LARGE1: variants seen among roughly 807,000 people sequenced by gnomAD.
The protein encoded by LARGE1 is LARGE xylosyl- and glucuronyltransferase 1.
LARGE1 carries 43 observed loss-of-function variants against 87.6 expected under a neutral mutation model. The observed-to-expected ratio is 0.49, with a 90% confidence interval of 0.38 to 0.63. The LOEUF (loss-of-function observed/expected upper bound fraction) is 0.63. Ranked by LOEUF, LARGE1 falls within the 30% of genes least tolerant of loss-of-function variation. The pLI is 0.00. For missense variants in LARGE1, 802 were observed against 1,000.2 expected (o/e 0.80, Z 2.67); for synonymous variants, 434 against 394.6 (o/e 1.10, Z -1.18).
At chr22:33,522,440 C>A (rs184924498) in intron 6 of LARGE1, among the ~76,000 whole-genome samples, 3 of 152,282 alleles carry the variant, frequency 2.0e-5, no homozygotes, top group Admixed American at 2.0e-4. Context: ...TGCCTGTAAT[C>A]CCAGCACTGT....
intron 1 of LARGE1, among the ~76,000 whole-genome samples, chr22:33,769,828 C>G (rs991845782): frequency 6.6e-6 from 1 of 152,224 alleles, no homozygotes; most frequent in Non-Finnish European, 1.5e-5. Flanking sequence ...TGGCTTCCAG[C>G]TGTCTCTCCT....
intron 11 of LARGE1, among the ~76,000 whole-genome samples, chr22:33,233,902 C>A (rs943299814): frequency 6.6e-6 from 1 of 152,162 alleles, no homozygotes; most frequent in East Asian, 1.9e-4. Flanking sequence ...TTCAGATTGG[C>A]GTGCCTGTGT....
At chr22:33,248,259 C>T (rs961634250) in intron 11 of LARGE1, among the ~76,000 whole-genome samples, 19 of 152,154 alleles carry the variant, frequency 1.2e-4, no homozygotes, top group African/African-American at 4.3e-4. Flanking sequence ...GTGTTCTCGG[C>T]TCACTGCAAC....
chr22:33,290,406 T>G (rs908645242), intron 12 of LARGE1, among the ~76,000 whole-genome samples: 1 of 152,200 alleles, frequency 6.6e-6, no homozygotes, highest in African/African-American at 2.4e-5. Flanking sequence ...AATTAATCTC[T>G]TGGTTCTGCA....
At chr22:33,729,868 C>T (rs886967795) in intron 2 of LARGE1, among the ~76,000 whole-genome samples, 1 of 152,206 alleles carries the variant, frequency 6.6e-6, no homozygotes, top group Admixed American at 6.5e-5. Context: ...TACCCGTTCT[C>T]CCCTCATCAA....
chr22:33,252,255 C>CA (rs1359136112), intron 11 of LARGE1, among the ~76,000 whole-genome samples: 3 of 132,188 alleles, frequency 2.3e-5, no homozygotes, highest in Admixed American at 2.2e-4. Context: ...CTTCATTCCC[C>CA]CCCCCCCCGC....
intron 6 of LARGE1, among the ~76,000 whole-genome samples, chr22:33,542,162 CA>C (rs150998193): frequency 0.17 from 16,031 of 92,536 alleles, 1,486 homozygotes; most frequent in African/African-American, 0.41. Flanking sequence ...AACTCTGTCT[CA>C]AAAAAAAAAA....
chr22:33,799,945 T>C (rs529599485), intron 1 of LARGE1, among the ~76,000 whole-genome samples: 1 of 152,332 alleles, frequency 6.6e-6, no homozygotes, highest in African/African-American at 2.4e-5. Flanking sequence ...CATGTGCATG[T>C]GGTGGGCTCT....
intron 1 of LARGE1, among the ~76,000 whole-genome samples, chr22:33,818,534 G>A (rs1308223862): frequency 6.6e-6 from 1 of 152,192 alleles, no homozygotes; most frequent in East Asian, 1.9e-4. Context: ...CTGTGGCCCT[G>A]AGAAGAGCCC....
intron 2 of LARGE1, among the ~76,000 whole-genome samples, chr22:33,706,136 T>C (rs1480373226): frequency 6.6e-6 from 1 of 152,242 alleles, no homozygotes; most frequent in Non-Finnish European, 1.5e-5. Context: ...TGTTGGTTTG[T>C]CTTCCCTGCA....
At chr22:33,134,678 G>A in the LARGE1 span, among the ~76,000 whole-genome samples, 1 of 152,196 alleles carries the variant, frequency 6.6e-6, no homozygotes, top group African/African-American at 2.4e-5. Flanking sequence ...GCCCCCAGAA[G>A]AAGTGGGGCC....
chr22:33,431,106 G>C (rs2067064199), intron 7 of LARGE1, among the ~76,000 whole-genome samples: 1 of 152,186 alleles, frequency 6.6e-6, no homozygotes, highest in African/African-American at 2.4e-5. Flanking sequence ...CATCCTTTGA[G>C]AATGGGATAC....
Position 33,519,159 on chromosome 22 carries a change from C to A in LARGE1, c.787+45689G>T, listed in dbSNP as rs547073947. On this transcript the variant is annotated intron_variant, in intron 6 of 14. Coordinates refer to ENST00000397394, the MANE Select transcript of LARGE1 (RefSeq NM_133642.5). ...CAAGCTGAAGAATGAAGATCCAAGT[C>A]AAGACAGAGGAATCCTGACTCACTG... Among the ~76,000 whole-genome samples the A allele has an allele frequency of 7.9e-5, 12 of 152,228 alleles. No homozygotes were observed. The South Asian group carries it at 2.5e-3, about 32-fold the overall frequency.
intron 1 of LARGE1, among the ~76,000 whole-genome samples, chr22:33,767,709 G>T (rs1038703646): frequency 1.3e-5 from 2 of 152,024 alleles, no homozygotes; most frequent in East Asian, 3.9e-4. Flanking sequence ...TGTGTGGATT[G>T]TCTAGAAACA....
intron 2 of LARGE1, among the ~76,000 whole-genome samples, chr22:33,720,249 T>C (rs1452850869): frequency 6.6e-6 from 1 of 152,170 alleles, no homozygotes; most frequent in Non-Finnish European, 1.5e-5. Context: ...TAAGGAGCCC[T>C]CTTGTGCTCA....
chr22:33,594,981 C>T (rs917222383), intron 5 of LARGE1, among the ~76,000 whole-genome samples: 1 of 152,148 alleles, frequency 6.6e-6, no homozygotes, highest in African/African-American at 2.4e-5. Flanking sequence ...GGAAGGCTCA[C>T]AAGAACGAGA....
intron 1 of LARGE1, among the ~76,000 whole-genome samples, chr22:33,825,699 G>A (rs565838623): frequency 1.3e-5 from 2 of 152,184 alleles, no homozygotes; most frequent in East Asian, 3.9e-4. Context: ...GCGATTACAC[G>A]AACTACAATT....
the LARGE1 span, among the ~76,000 whole-genome samples, chr22:33,071,346 C>T: frequency 6.6e-6 from 1 of 152,126 alleles, no homozygotes; most frequent in East Asian, 1.9e-4. Context: ...CTCTCTGGCT[C>T]CTATGTGAAA....
At chr22:33,095,550 A>G in the LARGE1 span, among the ~76,000 whole-genome samples, 1 of 152,228 alleles carries the variant, frequency 6.6e-6, no homozygotes, top group Non-Finnish European at 1.5e-5. Flanking sequence ...CTTCAAAAAT[A>G]TCTTTTTGGA....
Sources: allele counts gnomAD v4.1 joint callset (sites outside exome capture counted in the v4.1 genomes callset), GRCh38; gene constraint gnomAD v4.1.1; transcripts MANE v1.5; gene names NCBI Gene and HGNC (gene_info 2026-07-23, HGNC 2026-07-21).